Variants in PARVB observed in about 807,000 individuals in gnomAD.
The protein encoded by PARVB is parvin beta, also known as beta-parvin.
A neutral mutation model predicts 47.0 loss-of-function variants in PARVB; 46 were observed. The observed-to-expected ratio is 0.98, with a 90% CI of 0.77 to 1.25. The LOEUF is 1.25. Ranked by LOEUF, PARVB falls within the 50% of genes most tolerant of loss-of-function variation. The pLI is 0.00. For missense variants in PARVB, 473 were observed against 471.6 expected (o/e 1.00, Z -0.03); for synonymous variants, 196 against 196.3 (o/e 1.00, Z 0.01).
At chr22:44,128,825 C>T (rs2053247463) in intron 4 of PARVB, among the ~76,000 whole-genome samples, 1 of 152,152 alleles carries the variant, frequency 6.6e-6, no homozygotes, top group African/African-American at 2.4e-5. Flanking sequence ...CACCTGTAAT[C>T]CCAGCACTTC....
At chr22:44,050,025 C>T (rs1212188162) in intron 1 of PARVB, among the ~76,000 whole-genome samples, 1 of 152,222 alleles carries the variant, frequency 6.6e-6, no homozygotes. Flanking sequence ...CACTCACTGG[C>T]TTCTCGTGGT....
At chr22:44,154,902 G>C (rs1174542074) in intron 10 of PARVB, among the ~76,000 whole-genome samples, 2 of 145,176 alleles carry the variant, frequency 1.4e-5, no homozygotes, top group Non-Finnish European at 3.0e-5. Flanking sequence ...TGTGTAGTGT[G>C]TGGTGTGTGT....
chr22:44,048,344 G>C (rs1456686540), intron 1 of PARVB, among the ~76,000 whole-genome samples: 1 of 151,936 alleles, frequency 6.6e-6, no homozygotes, highest in Non-Finnish European at 1.5e-5. Context: ...ATATCTTTTG[G>C]GGGCACATGA....
At chr22:44,041,407 G>A (rs920633772) in intron 1 of PARVB, among the ~76,000 whole-genome samples, 5 of 152,050 alleles carry the variant, frequency 3.3e-5, no homozygotes, top group East Asian at 1.9e-4. Flanking sequence ...CAGGAGAATC[G>A]CTTGAACCCG....
At position 44,119,145 on chromosome 22, in the gene PARVB, G is replaced by C. The variant is rs1411228070; in HGVS notation, c.376+5G>C. ...AGGTGCTGCAGAAGCTCTTGGGTGA[G>C]TTCACAGCAGGGACAGCTCTGTCCC... On this transcript the variant is annotated splice_donor_5th_base_variant and intron_variant, in intron 4 of 12. Coordinates refer to ENST00000338758, the MANE Select transcript of PARVB (RefSeq NM_013327.5). 1.5e-5 allele frequency: 24 copies of C among 1,599,518 alleles called. No homozygotes were observed. The highest frequency in any genetic ancestry group is 2.0e-5 in the Non-Finnish European group (23 of 1,166,764).
chr22:44,145,477 TC>T (rs765511689), intron 8 of PARVB: 6 of 152,220 alleles, frequency 3.9e-5, no homozygotes, highest in Non-Finnish European at 8.8e-5. Context: ...GCTCTGCGGC[TC>T]CCAGGGCTGC....
intron 6 of PARVB, among the ~76,000 whole-genome samples, chr22:44,135,351 T>A (rs994356866): frequency 6.6e-6 from 1 of 152,140 alleles, no homozygotes. Context: ...CTCTGCCTCC[T>A]GGGTTCAACT....
At chr22:44,110,420 C>A (rs900152958) in intron 3 of PARVB, 3 of 152,004 alleles carry the variant, frequency 2.0e-5, no homozygotes, top group Non-Finnish European at 4.4e-5. Context: ...CTTGGACACC[C>A]CTTTCTGTTC....
At chr22:44,043,054 T>C (rs927702483) in intron 1 of PARVB, among the ~76,000 whole-genome samples, 1 of 152,184 alleles carries the variant, frequency 6.6e-6, no homozygotes, top group African/African-American at 2.4e-5. Context: ...ATCCATACGA[T>C]AGAATACTAT....
At chr22:44,028,411 C>G (rs551960699) in intron 1 of PARVB, among the ~76,000 whole-genome samples, 1 of 151,988 alleles carries the variant, frequency 6.6e-6, no homozygotes, top group Non-Finnish European at 1.5e-5. Flanking sequence ...TGTACAGTAG[C>G]GTTTTCAGAT....
intron 1 of PARVB, among the ~76,000 whole-genome samples, chr22:44,028,938 G>C (rs564464331): frequency 1.3e-5 from 2 of 152,256 alleles, no homozygotes; most frequent in East Asian, 3.9e-4. Context: ...ATCTTCTTCA[G>C]TGAAGTGTCT....
chr22:44,059,514 T>C (rs2051381055), intron 1 of PARVB, among the ~76,000 whole-genome samples: 1 of 152,210 alleles, frequency 6.6e-6, no homozygotes, highest in African/African-American at 2.4e-5. Flanking sequence ...TTCATCCTGT[T>C]CCATTTGTCA....
intron 1 of PARVB, among the ~76,000 whole-genome samples, chr22:44,091,850 G>T (rs1221923362): frequency 6.6e-6 from 1 of 152,190 alleles, no homozygotes; most frequent in African/African-American, 2.4e-5. Flanking sequence ...TCTAGGATAA[G>T]GTGCCTGTTT....
At chr22:44,118,587 A>G (rs2052966505) in intron 3 of PARVB, among the ~76,000 whole-genome samples, 1 of 152,210 alleles carries the variant, frequency 6.6e-6, no homozygotes, top group South Asian at 2.1e-4. Context: ...TCTTGGGGTG[A>G]TGAGAGGGCA....
At chr22:44,151,271 C>A (rs984334800) in intron 9 of PARVB, 3 of 523,946 alleles carry the variant, frequency 5.7e-6, no homozygotes, top group Non-Finnish European at 1.0e-5. Flanking sequence ...TGAGCAGAGA[C>A]GTGTAGCCAG....
At chr22:44,101,045 G>C (rs2052431784) in intron 3 of PARVB, among the ~76,000 whole-genome samples, 1 of 152,218 alleles carries the variant, frequency 6.6e-6, no homozygotes, top group African/African-American at 2.4e-5. Flanking sequence ...CCAATGCTGG[G>C]CTGTACAACT....
intron 1 of PARVB, among the ~76,000 whole-genome samples, chr22:44,025,076 C>A (rs1220368715): frequency 1.3e-5 from 2 of 152,004 alleles, no homozygotes; most frequent in Non-Finnish European, 2.9e-5. Context: ...TTAAGTGTAC[C>A]GCTTGCCCAG....
intron 1 of PARVB, among the ~76,000 whole-genome samples, chr22:44,066,801 C>CCTCCTCCTCCTT (rs1555898486): frequency 0.041 from 4,516 of 110,766 alleles, 135 homozygotes; most frequent in Middle Eastern, 0.074. Context: ...TCCTCCTCCT[C>CCTCCTCCTCCTT]CTCCTCCTCC....
chr22:44,136,379 C>A, intron 6 of PARVB, 81 bp from the exon 7 acceptor site: 1 of 1,257,974 alleles, frequency 7.9e-7, no homozygotes, highest in Non-Finnish European at 1.2e-6. Context: ...TCTCCGGCCC[C>A]GCAGCTTCGT....
Sources: gnomAD v4.1 joint callset for allele counts (sites outside exome capture counted in the v4.1 genomes callset) on GRCh38, gnomAD v4.1.1 for gene constraint, MANE v1.5 for transcripts, NCBI Gene and HGNC (gene_info 2026-07-23, HGNC 2026-07-21) for gene names.